The following CUBN variants were observed in gnomAD, a reference collection of about 807,000 sequenced individuals.
The protein encoded by CUBN is 460 kDa receptor.
A neutral mutation model predicts 405.3 loss-of-function variants in CUBN; 282 were observed. The observed-to-expected ratio is 0.70, with a 90% CI of 0.63 to 0.77. The LOEUF (loss-of-function observed/expected upper bound fraction) is 0.77, where lower values mean the gene tolerates loss of function less well. Among genes scored for constraint, CUBN ranks in the 30% least tolerant of loss-of-function variants. The pLI is 0.00. For missense variants in CUBN, 4,514 were observed against 4,475.2 expected, an observed-to-expected ratio of 1.01 and a Z score of -0.25; for synonymous variants, 1,684 against 1,617.0, an observed-to-expected ratio of 1.04 and a Z score of -0.99.
At chr10:16,866,219 A>G (rs1316272214) in intron 59 of CUBN, among the ~76,000 whole-genome samples, 1 of 152,236 alleles carries the variant, frequency 6.6e-6, no homozygotes, top group Non-Finnish European at 1.5e-5. Flanking sequence ...TGCACAGTAA[A>G]TAAATAAGTT....
chr10:16,887,090 T>C (rs1288878386), intron 56 of CUBN, among the ~76,000 whole-genome samples: 2 of 152,240 alleles, frequency 1.3e-5, no homozygotes, highest in African/African-American at 4.8e-5. Context: ...GCCCAGCCTA[T>C]ATTAATTTTA....
At chr10:17,085,863 G>A (rs1246963672) in intron 15 of CUBN, 104 bp from the exon 16 acceptor site, 7 of 1,087,282 alleles carry the variant, frequency 6.4e-6, no homozygotes, top group South Asian at 2.8e-5. Flanking sequence ...AAAAGTGATC[G>A]CTCAAGGAAG....
rs1842155662 is a variant in CUBN at position 16,925,392 on chromosome 10, G to C, written c.6495C>G (p.Pro2165=). 4.3e-6 allele frequency: 7 copies of C among 1,613,976 alleles called. No homozygotes were observed. The highest frequency in any genetic ancestry group is 5.9e-6 in the Non-Finnish European group (7 of 1,179,876). ...GACCATTTCCTCCAGGGGGTCCCAA[G>C]GGTGGAGAACAGATATCAGGACCAT... ...LRNGPDICSP[P]LGPPGGNGHF... The change falls in exon 43 of 67, where the codon CCC becomes CCG. Residue 2165 remains proline (P), a synonymous_variant. Coordinates refer to ENST00000377833, the MANE Select transcript of CUBN (RefSeq NM_001081.4).
intron 22 of CUBN, among the ~76,000 whole-genome samples, chr10:17,063,812 T>C (rs537747034): frequency 1.3e-4 from 20 of 152,330 alleles, no homozygotes; most frequent in African/African-American, 4.3e-4. Context: ...ATGCACCAAA[T>C]TAAAATTATG....
Position 17,104,495 on chromosome 10 carries a change from A to C in CUBN, c.1341T>G (p.Cys447Trp). ...AACTGAAAGAATCAACGCCATCAACACAAGTTCCTCCATTCAAACAGGGGT... is the reference window on the plus strand; with the variant it reads ...AACTGAAAGAATCAACGCCATCAACCCAAGTTCCTCCATTCAAACAGGGGT... The part of the protein sequence containing the change: ...LSNPCLNGGT[C>W]VDGVDSFSCE... Residue 447 changes from cysteine to tryptophan, a missense_variant, in exon 12 of 67, where the codon TGT (cysteine) becomes TGG (tryptophan). Coordinates refer to ENST00000377833, the MANE Select transcript of CUBN (RefSeq NM_001081.4). 1 of 1,614,046 alleles carries C rather than the reference A, an allele frequency of 6.2e-7. No individual in the cohort carries two copies.
chr10:16,957,142 C>T (rs1374358144), intron 31 of CUBN, among the ~76,000 whole-genome samples: 1 of 152,146 alleles, frequency 6.6e-6, no homozygotes, highest in Non-Finnish European at 1.5e-5. Flanking sequence ...ATTCCTCTTA[C>T]CTAACTGTAA....
chr10:17,050,471 A>G (rs1835239089), intron 22 of CUBN, among the ~76,000 whole-genome samples: 1 of 152,204 alleles, frequency 6.6e-6, no homozygotes, highest in African/African-American at 2.4e-5. Flanking sequence ...CTGGAACTAT[A>G]TGGAAATTCT....
intron 28 of CUBN, among the ~76,000 whole-genome samples, chr10:16,998,194 C>T (rs969455657): frequency 6.6e-5 from 10 of 151,884 alleles, no homozygotes; most frequent in Admixed American, 4.6e-4. Flanking sequence ...TACCAGGAAC[C>T]TGTGACTGTG....
chr10:16,984,361 G>A (rs953878438), intron 29 of CUBN, 82 bp from the exon 30 acceptor site: 101 of 1,300,564 alleles, frequency 7.8e-5, no homozygotes, highest in African/African-American at 4.0e-4. Context: ...TTTGACCCCC[G>A]GCTCCTTGGG....
chr10:16,982,411 C>G (rs1833299188), intron 31 of CUBN, 73 bp downstream of exon 31: 1 of 1,343,320 alleles, frequency 7.4e-7, no homozygotes, highest in Non-Finnish European at 1.1e-6. Flanking sequence ...AATACATTCA[C>G]TAAATATGCT....
chr10:16,983,182 G>A (rs1833324943), intron 30 of CUBN, among the ~76,000 whole-genome samples: 1 of 152,066 alleles, frequency 6.6e-6, no homozygotes, highest in South Asian at 2.1e-4. Context: ...TTGGATTTAT[G>A]ATAATATAAG....
chr10:16,986,787 G>A (rs1387211229), intron 29 of CUBN, among the ~76,000 whole-genome samples: 1 of 152,110 alleles, frequency 6.6e-6, no homozygotes, highest in Non-Finnish European at 1.5e-5. Flanking sequence ...GCATGAAACT[G>A]ACAGCATGTG....
At chr10:16,918,418 C>T (rs1200334638) in intron 45 of CUBN, among the ~76,000 whole-genome samples, 1 of 151,918 alleles carries the variant, frequency 6.6e-6, no homozygotes, top group Non-Finnish European at 1.5e-5. Context: ...TCTTCCTATC[C>T]ATGAGCACGG....
intron 28 of CUBN, among the ~76,000 whole-genome samples, chr10:16,996,026 C>T (rs1833726123): frequency 6.6e-6 from 1 of 152,124 alleles, no homozygotes. Context: ...CTCCCCGATC[C>T]TGACCTCCAC....
At chr10:17,026,205 G>A (rs1834659417) in intron 27 of CUBN, among the ~76,000 whole-genome samples, 1 of 152,164 alleles carries the variant, frequency 6.6e-6, no homozygotes, top group Non-Finnish European at 1.5e-5. Flanking sequence ...TCATTAGGGT[G>A]ATTGTTAAAA....
chr10:16,878,402 C>T (rs1030375257), intron 56 of CUBN, among the ~76,000 whole-genome samples: 1 of 152,188 alleles, frequency 6.6e-6, no homozygotes, highest in Non-Finnish European at 1.5e-5. Flanking sequence ...GATGTGCCAT[C>T]CACATTCCAT....
chr10:17,011,620 G>T (rs1834189729), intron 28 of CUBN, among the ~76,000 whole-genome samples: 1 of 152,124 alleles, frequency 6.6e-6, no homozygotes, highest in African/African-American at 2.4e-5. Context: ...GCTAGCTCGG[G>T]TGGCCAGCTT....
At chr10:17,056,351 C>T (rs1322887835) in intron 22 of CUBN, among the ~76,000 whole-genome samples, 2 of 152,108 alleles carry the variant, frequency 1.3e-5, no homozygotes, top group Non-Finnish European at 2.9e-5. Flanking sequence ...TGGCTCACGC[C>T]TGTAATTCCA....
intron 27 of CUBN, among the ~76,000 whole-genome samples, chr10:17,031,020 T>C (rs1341577205): frequency 6.6e-6 from 1 of 152,216 alleles, no homozygotes; most frequent in Admixed American, 6.5e-5. Flanking sequence ...TTTAAAATGA[T>C]AGGGACAATA....
Sources: gnomAD v4.1 joint callset for allele counts (sites outside exome capture counted in the v4.1 genomes callset) on GRCh38, gnomAD v4.1.1 for gene constraint, MANE v1.5 for transcripts, NCBI Gene and HGNC (gene_info 2026-07-23, HGNC 2026-07-21) for gene names.